The following HS3ST4 variants were observed in gnomAD, a reference collection of about 807,000 sequenced individuals.
HS3ST4 encodes the protein heparan sulfate glucosamine 3-O-sulfotransferase 4.
In HS3ST4, 17 loss-of-function variants were observed where a neutral mutation model predicts 29.2. That is an observed-to-expected ratio of 0.58 (90% CI 0.40 to 0.87). The LOEUF (loss-of-function observed/expected upper bound fraction) is 0.87, where lower values mean the gene tolerates loss of function less well. Ranked by LOEUF, HS3ST4 falls within the 40% of genes least tolerant of loss-of-function variation. The pLI is 0.00. For synonymous variants in HS3ST4, 314 were observed against 285.7 expected (o/e 1.10, Z -1.00); for missense variants, 627 against 634.5 (o/e 0.99, Z 0.13).
At chr16:25,833,633 T>C (rs1308641044) in intron 1 of HS3ST4, among the ~76,000 whole-genome samples, 2 of 152,174 alleles carry the variant, frequency 1.3e-5, no homozygotes, top group South Asian at 2.1e-4. Context: ...TCTGTGAACA[T>C]GAAGTGAGAT....
intron 1 of HS3ST4, among the ~76,000 whole-genome samples, chr16:25,859,205 G>A (rs1276883383): frequency 6.6e-6 from 1 of 152,104 alleles, no homozygotes; most frequent in Non-Finnish European, 1.5e-5. Context: ...GGTATGTTTG[G>A]CAAGACAGAA....
At chr16:26,051,977 G>C (rs1898354344) in intron 1 of HS3ST4, among the ~76,000 whole-genome samples, 1 of 139,534 alleles carries the variant, frequency 7.2e-6, no homozygotes, top group South Asian at 2.4e-4. Flanking sequence ...CCCCAAGACA[G>C]GTCATAGAAA....
At chr16:26,091,634 A>G (rs938315720) in intron 1 of HS3ST4, among the ~76,000 whole-genome samples, 3 of 152,192 alleles carry the variant, frequency 2.0e-5, no homozygotes, top group African/African-American at 7.2e-5. Context: ...AGCCATATAT[A>G]TAGATATCAT....
At chr16:25,943,570 T>C (rs1161431234) in intron 1 of HS3ST4, among the ~76,000 whole-genome samples, 1 of 151,988 alleles carries the variant, frequency 6.6e-6, no homozygotes, top group African/African-American at 2.4e-5. Flanking sequence ...TAAAAAAAAA[T>C]ACTGAGGATG....
intron 1 of HS3ST4, among the ~76,000 whole-genome samples, chr16:25,857,928 C>CTTTCTTTCTT (rs1567257116): frequency 1.9e-4 from 9 of 47,702 alleles, no homozygotes; most frequent in African/African-American, 1.1e-3. Context: ...TCCTTTCTTT[C>CTTTCTTTCTT]TTTCTTTCTT....
At chr16:25,906,106 C>T (rs182367899) in intron 1 of HS3ST4, among the ~76,000 whole-genome samples, 104 of 152,236 alleles carry the variant, frequency 6.8e-4, no homozygotes, top group African/African-American at 2.4e-3. Flanking sequence ...TGAGGATTTA[C>T]GTTCATAAAT....
At chr16:25,857,037 T>G (rs1203848206) in intron 1 of HS3ST4, among the ~76,000 whole-genome samples, 1 of 152,184 alleles carries the variant, frequency 6.6e-6, no homozygotes, top group Non-Finnish European at 1.5e-5. Context: ...GTCTGTGCTT[T>G]GAGTAGTTGG....
At chr16:25,778,098 TA>T (rs1966849290) in intron 1 of HS3ST4, among the ~76,000 whole-genome samples, 1 of 151,982 alleles carries the variant, frequency 6.6e-6, no homozygotes. Context: ...TTTGATATTT[TA>T]AAAAGTGTGA....
chr16:25,733,050 C>G (rs1966582115), intron 1 of HS3ST4, among the ~76,000 whole-genome samples: 2 of 152,170 alleles, frequency 1.3e-5, no homozygotes, highest in Admixed American at 6.5e-5. Flanking sequence ...CAAAGAAGAC[C>G]ATCTCTGAGG....
intron 1 of HS3ST4, among the ~76,000 whole-genome samples, chr16:25,910,659 A>AT (rs959335578): frequency 6.6e-6 from 1 of 152,008 alleles, no homozygotes; most frequent in African/African-American, 2.4e-5. Flanking sequence ...AAAAAAAAAA[A>AT]GTTAAACAAA....
intron 1 of HS3ST4, among the ~76,000 whole-genome samples, chr16:25,934,586 T>C (rs1242128756): frequency 6.6e-6 from 1 of 152,184 alleles, no homozygotes; most frequent in Non-Finnish European, 1.5e-5. Context: ...TATAAAGGCA[T>C]CTGGATGTGG....
chr16:26,055,116 A>G (rs866464700), intron 1 of HS3ST4, among the ~76,000 whole-genome samples: 7 of 149,886 alleles, frequency 4.7e-5, no homozygotes, highest in African/African-American at 7.4e-5. Context: ...TTTTTTTTCT[A>G]TCCTCCAAGA....
chr16:25,918,953 G>T (rs1260884679), intron 1 of HS3ST4, among the ~76,000 whole-genome samples: 1 of 152,186 alleles, frequency 6.6e-6, no homozygotes, highest in South Asian at 2.1e-4. Flanking sequence ...GTGGGAATAG[G>T]AGCTTTGTGT....
intron 1 of HS3ST4, among the ~76,000 whole-genome samples, chr16:25,904,310 T>C (rs1400789292): frequency 6.6e-6 from 1 of 152,204 alleles, no homozygotes; most frequent in Non-Finnish European, 1.5e-5. Flanking sequence ...GTCTTAGTGA[T>C]AAATATAAGT....
At chr16:25,738,962 T>G (rs559832078) in intron 1 of HS3ST4, among the ~76,000 whole-genome samples, 1 of 152,238 alleles carries the variant, frequency 6.6e-6, no homozygotes, top group Non-Finnish European at 1.5e-5. Context: ...CCATGTAGTT[T>G]AATACCCTTC....
intron 1 of HS3ST4, among the ~76,000 whole-genome samples, chr16:25,976,672 T>C (rs993493558): frequency 1.3e-5 from 2 of 152,236 alleles, no homozygotes; most frequent in Non-Finnish European, 2.9e-5. Context: ...GGGCACTGTC[T>C]AAAGTTTTGC....
chr16:25,784,049 C>T (rs1966855059), intron 1 of HS3ST4, among the ~76,000 whole-genome samples: 1 of 152,132 alleles, frequency 6.6e-6, no homozygotes, highest in Non-Finnish European at 1.5e-5. Flanking sequence ...GAAACTTTTT[C>T]ATTATTCTTA....
Position 25,910,233 on chromosome 16 carries a change from C to T in HS3ST4, c.734+217082C>T, listed in dbSNP as rs775570403. Among the ~76,000 whole-genome samples the T allele has an allele frequency of 1.7e-4, 26 of 152,266 alleles. No individual in the cohort carries two copies. In the Middle Eastern group the frequency reaches 0.014, roughly 80 times the overall value. On this transcript the variant is annotated intron_variant, in intron 1 of 1. Transcript: ENST00000331351. The stretch of plus-strand genomic sequence containing the variant: ...TATTTGGCAGGAGTTGGCAGCTCTC[C>T]GTAAAGGGCCAAACAATAAATATTT...
At chr16:25,877,737 G>GT (rs5816330) in intron 1 of HS3ST4, among the ~76,000 whole-genome samples, 85,879 of 152,070 alleles carry the variant, frequency 0.56, 25,016 homozygotes, top group Non-Finnish European at 0.63. Context: ...CCAGTTTGTG[G>GT]TTTTTTGCTG....
Sources: allele counts gnomAD v4.1 joint callset (sites outside exome capture counted in the v4.1 genomes callset), GRCh38; gene constraint gnomAD v4.1.1; transcripts MANE v1.5; gene names NCBI Gene and HGNC (gene_info 2026-07-23, HGNC 2026-07-21).